COL4A3: variants seen among roughly 807,000 people sequenced by gnomAD.
COL4A3 encodes the protein collagen type IV alpha 3 chain, also known as collagen alpha-3(IV) chain.
A neutral mutation model predicts 217.4 loss-of-function variants in COL4A3; 135 were observed. That is an observed-to-expected ratio of 0.62 (90% CI 0.54 to 0.72). The LOEUF (loss-of-function observed/expected upper bound fraction) is 0.72, where lower values mean the gene tolerates loss of function less well. COL4A3 is among the 30% of genes least tolerant of loss of function. The pLI is 0.00. For synonymous variants in COL4A3, 690 were observed against 736.3 expected (o/e 0.94, Z 1.02); for missense variants, 1,868 against 2,119.9 (o/e 0.88, Z 2.33).
chr2:227,216,757 G>A (rs1191769678), intron 1 of COL4A3, among the ~76,000 whole-genome samples: 2 of 152,124 alleles, frequency 1.3e-5, no homozygotes, highest in Admixed American at 1.3e-4. Context: ...ATCCCTTAGG[G>A]CCCAAAAGTG....
In COL4A3 at chr2:227,284,371, G is replaced by T. The variant is rs1205287181; in HGVS notation, c.2881+26G>T. 2.5e-6 allele frequency: 4 copies of T among 1,608,032 alleles called. No homozygotes were observed. The Admixed American group carries it at 6.8e-5, about 27-fold the overall frequency. On this transcript the variant is annotated intron_variant, in intron 34 of 51. Transcript: ENST00000396578. ...GTAAAGAATTGCTTGTTTGGAATCAGGACATCAGAGCTGATTCTCAGGCTA... is the reference window on the plus strand; with the variant it reads ...GTAAAGAATTGCTTGTTTGGAATCATGACATCAGAGCTGATTCTCAGGCTA...
intron 1 of COL4A3, among the ~76,000 whole-genome samples, chr2:227,173,585 G>A (rs1175678046): frequency 6.6e-6 from 1 of 151,760 alleles, no homozygotes; most frequent in Non-Finnish European, 1.5e-5. Flanking sequence ...CAAAACTTCG[G>A]GTAAACATCT....
At position 227,297,804 on chromosome 2, in the gene COL4A3, A is replaced by G. The variant is rs772786707; in HGVS notation, c.3696A>G (p.Ala1232=). ...CAGGGCCACCAGGTCTGCCCGGTGCAATTATCCCTGGCCAGACAGGAAATC... is the reference window on the plus strand; with the variant it reads ...CAGGGCCACCAGGTCTGCCCGGTGCGATTATCCCTGGCCAGACAGGAAATC... ...GFPGPPGLPG[A]IIPGQTGNRG... is the part of the protein sequence containing the mutation. Residue 1232 remains alanine (A), a synonymous_variant, in exon 42 of 52, where the codon GCA becomes GCG. Transcript: ENST00000396578. 1.3e-6 allele frequency: 2 copies of G among 1,572,568 alleles called. No homozygotes were observed. Among genetic ancestry groups the G allele is most frequent in the East Asian group, 4.6e-5 (2 of 43,236 alleles).
At chr2:227,251,274 T>G (rs1176350785) in intron 10 of COL4A3, 62 bp from the exon 11 acceptor site, 4 of 1,592,560 alleles carry the variant, frequency 2.5e-6, no homozygotes, top group Non-Finnish European at 3.4e-6. Flanking sequence ...AAAAAGTTAT[T>G]AAAAGAATTT....
At chr2:227,245,762 T>C in intron 5 of COL4A3, 192 bp from the exon 6 acceptor site, 1 of 652,724 alleles carries the variant, frequency 1.5e-6, no homozygotes, top group Non-Finnish European at 2.8e-6. Context: ...ATTTGATAAG[T>C]CTTCATATCA....
intron 26 of COL4A3, 100 bp from the exon 27 acceptor site, chr2:227,276,285 T>G (rs1051380059): frequency 3.8e-5 from 33 of 873,666 alleles, no homozygotes; most frequent in Admixed American, 1.4e-4. Context: ...TTTTATTTTT[T>G]GGGGATATGT....
intron 1 of COL4A3, among the ~76,000 whole-genome samples, chr2:227,177,640 G>A (rs2065727034): frequency 6.6e-6 from 1 of 152,026 alleles, no homozygotes; most frequent in Non-Finnish European, 1.5e-5. Context: ...GTGGTCAATG[G>A]GTTCCAAAAT....
intron 1 of COL4A3, among the ~76,000 whole-genome samples, chr2:227,223,737 T>TAAATAAATA (rs2067938687): frequency 7.7e-6 from 1 of 130,278 alleles, no homozygotes; most frequent in Admixed American, 7.8e-5. Context: ...CTGTCTCAAA[T>TAAATAAATA]AAATAAATAA....
chr2:227,280,745 AT>A, intron 30 of COL4A3, 147 bp from the exon 31 acceptor site: 1 of 1,084,352 alleles, frequency 9.2e-7, no homozygotes, highest in Non-Finnish European at 1.4e-6. Flanking sequence ...TTCTTTTTTA[AT>A]GAGTGCCCTC....
chr2:227,273,137 A>C lies in COL4A3; in HGVS notation c.1927+20A>C, dbSNP rs771360235. ...AAGCCGGTTGGTTAGTTTTCTTTCC[A>C]GTCCTGTTTTCCGATGGAGTGGGTT... On this transcript the variant is annotated intron_variant, in intron 26 of 51. Coordinates refer to ENST00000396578, the MANE Select transcript of COL4A3 (RefSeq NM_000091.5). The C allele has an allele frequency of 6.2e-7, 1 of 1,612,476 alleles. No homozygotes were observed. Among genetic ancestry groups the C allele is most frequent in the African/African-American group, 1.3e-5 (1 of 74,998 alleles).
chr2:227,218,900 G>A (rs2067640869), intron 1 of COL4A3, among the ~76,000 whole-genome samples: 1 of 151,912 alleles, frequency 6.6e-6, no homozygotes, highest in Non-Finnish European at 1.5e-5. Flanking sequence ...ATATCCTTTC[G>A]TATTTCTACA....
intron 21 of COL4A3, 83 bp downstream of exon 21, chr2:227,264,027 CA>C (rs2070747657): frequency 6.8e-7 from 1 of 1,481,130 alleles, no homozygotes; most frequent in Non-Finnish European, 9.4e-7. Flanking sequence ...ACCCTCCTCA[CA>C]GCTTAGCCAT....
chr2:227,208,797 CACACACACAT>C (rs1207105126), intron 1 of COL4A3, among the ~76,000 whole-genome samples: 4 of 109,310 alleles, frequency 3.7e-5, no homozygotes, highest in South Asian at 2.7e-4. Context: ...CACACACACA[CACACACACAT>C]ATATACAGAA....
At chr2:227,232,470 CTAAT>C (rs1218915579) in intron 1 of COL4A3, among the ~76,000 whole-genome samples, 4 of 152,174 alleles carry the variant, frequency 2.6e-5, no homozygotes, top group African/African-American at 9.7e-5. Flanking sequence ...GGTGGTTGTA[CTAAT>C]TTACATTCCC....
rs2073820849 is a variant in COL4A3 at position 227,313,876 on chromosome 2, T to C, written c.*2006T>C. ...GGTCTCTGGAAGAGCAGTATCAGCATCATCTGGGAACTTGTCACAGATGCA... is the reference window on the plus strand; with the variant it reads ...GGTCTCTGGAAGAGCAGTATCAGCACCATCTGGGAACTTGTCACAGATGCA... On this transcript the variant is annotated 3_prime_UTR_variant, in exon 52 of 52. Transcript: ENST00000396578. The C allele has an allele frequency of 6.6e-6, 1 of 152,196 alleles. No individual in the cohort carries two copies. The highest frequency in any genetic ancestry group is 1.5e-5 in the Non-Finnish European group (1 of 68,040). The allele number at this position is 152,196 out of a possible 1,614,324, so 9.4% of individuals were successfully genotyped here.
chr2:227,213,547 C>G (rs2067404092), intron 1 of COL4A3, among the ~76,000 whole-genome samples: 1 of 152,146 alleles, frequency 6.6e-6, no homozygotes, highest in African/African-American at 2.4e-5. Context: ...GTTTTCAACC[C>G]AAGCTCTACA....
chr2:227,281,106 T>C, intron 31 of COL4A3, 100 bp downstream of exon 31: 2 of 777,242 alleles, frequency 2.6e-6, no homozygotes, highest in Non-Finnish European at 4.5e-6. Flanking sequence ...CAGCCACAAG[T>C]CCTGACCACT....
intron 3 of COL4A3, among the ~76,000 whole-genome samples, 157 bp downstream of exon 3, chr2:227,240,389 C>A (rs544785350): frequency 6.6e-6 from 1 of 152,332 alleles, no homozygotes; most frequent in East Asian, 1.9e-4. Flanking sequence ...CCACATAGAA[C>A]CGCAACCTGC....
chr2:227,176,533 G>A lies in COL4A3; in HGVS notation c.87+11720G>A, dbSNP rs946428664. On this transcript the variant is annotated intron_variant, in intron 1 of 51. Coordinates refer to ENST00000396578, the MANE Select transcript of COL4A3 (RefSeq NM_000091.5). Reference sequence around the variant, plus strand: ...GCGGTAGTTTTAGGGTAAGTTAGGAGTTTTCCAGTTTAATCTTTAAGATCC... The same window carrying A: ...GCGGTAGTTTTAGGGTAAGTTAGGAATTTTCCAGTTTAATCTTTAAGATCC... Among the ~76,000 whole-genome samples, 13 of 152,308 alleles carry A rather than the reference G, an allele frequency of 8.5e-5. No individual in the cohort carries two copies. In the South Asian group the frequency reaches 1.0e-3, roughly 12 times the overall value.
Sources: allele counts gnomAD v4.1 joint callset (sites outside exome capture counted in the v4.1 genomes callset), GRCh38; gene constraint gnomAD v4.1.1; transcripts MANE v1.5; gene names NCBI Gene and HGNC (gene_info 2026-07-23, HGNC 2026-07-21).